Variants in ZSWIM5 observed in about 807,000 individuals in gnomAD.
The protein encoded by ZSWIM5 is zinc finger SWIM-type containing 5.
A neutral mutation model predicts 119.6 loss-of-function variants in ZSWIM5; 55 were observed. The ratio of observed to expected loss-of-function variants is 0.46; its 90% CI spans 0.37 to 0.58. The LOEUF (loss-of-function observed/expected upper bound fraction) is 0.58, where lower values mean the gene tolerates loss of function less well. Ranked by LOEUF, ZSWIM5 falls within the 20% of genes least tolerant of loss-of-function variation. The pLI is 0.00. For missense variants in ZSWIM5, 1,193 were observed against 1,512.8 expected, an observed-to-expected ratio of 0.79 and a Z score of 3.51; for synonymous variants, 537 against 606.9, an observed-to-expected ratio of 0.88 and a Z score of 1.69.
chr1:45,141,312 G>A (rs1286779075), intron 1 of ZSWIM5, among the ~76,000 whole-genome samples: 3 of 152,122 alleles, frequency 2.0e-5, no homozygotes, highest in African/African-American at 7.2e-5. Flanking sequence ...CATCAGAAAG[G>A]GGTAACTGTT....
chr1:45,205,604 G>T, intron 1 of ZSWIM5, 152 bp downstream of exon 1: 2 of 704,708 alleles, frequency 2.8e-6, no homozygotes, highest in Non-Finnish European at 4.1e-6. Context: ...CTGAGTGAAA[G>T]GTTGAAAAAA....
intron 5 of ZSWIM5, among the ~76,000 whole-genome samples, chr1:45,046,848 A>AC (rs1314142273): frequency 1.3e-5 from 2 of 151,622 alleles, no homozygotes; most frequent in Non-Finnish European, 2.9e-5. Flanking sequence ...ACATAGTGAA[A>AC]CCCCATCTCT....
chr1:45,079,374 T>C (rs1449848402), intron 2 of ZSWIM5, among the ~76,000 whole-genome samples: 2 of 152,190 alleles, frequency 1.3e-5, no homozygotes, highest in African/African-American at 4.8e-5. Context: ...TTCCTGCCCC[T>C]TTCCAAAGGC....
intron 1 of ZSWIM5, among the ~76,000 whole-genome samples, chr1:45,156,872 G>A (rs966110244): frequency 6.6e-6 from 1 of 151,026 alleles, no homozygotes; most frequent in Non-Finnish European, 1.5e-5. Flanking sequence ...AAATCTTTAA[G>A]AATCTACACA....
At position 45,146,431 on chromosome 1, in the gene ZSWIM5, CTTTTTTTTTTTTT is replaced by C. The variant is rs35073818; in HGVS notation, c.596-58207_596-58195del. On this transcript the variant is annotated intron_variant, in intron 1 of 13. Coordinates refer to ENST00000359600, the MANE Select transcript of ZSWIM5 (RefSeq NM_020883.2). Reference sequence around the variant, plus strand: ...TAAAATACAAGTATCTGTTTCTAGACTTTTTTTTTTTTTTTTTTTTTTTTTTTTGAGACAGAGT... The same window carrying C: ...TAAAATACAAGTATCTGTTTCTAGACTTTTTTTTTTTTTTTGAGACAGAGT... Among the ~76,000 whole-genome samples the C allele has an allele frequency of 6.9e-3, 315 of 45,908 alleles. 1 individual carries two copies. Among genetic ancestry groups the C allele is most frequent in the Non-Finnish European group, 0.01 (257 of 25,406 alleles). The allele number at this position is 45,908 out of a possible 152,430, so 30.1% of individuals were successfully genotyped here.
At chr1:45,108,911 A>G (rs1164009840) in intron 1 of ZSWIM5, among the ~76,000 whole-genome samples, 1 of 152,208 alleles carries the variant, frequency 6.6e-6, no homozygotes, top group Non-Finnish European at 1.5e-5. Flanking sequence ...AAACTCCATG[A>G]TATTTTATTT....
intron 1 of ZSWIM5, among the ~76,000 whole-genome samples, chr1:45,115,556 C>T (rs1172934044): frequency 7.3e-6 from 1 of 137,254 alleles, no homozygotes; most frequent in Non-Finnish European, 1.6e-5. Flanking sequence ...GGGGCAGAGG[C>T]GCTCCCCACA....
intron 1 of ZSWIM5, among the ~76,000 whole-genome samples, chr1:45,166,252 C>T (rs1570171572): frequency 2.0e-5 from 3 of 151,970 alleles, no homozygotes; most frequent in Admixed American, 6.6e-5. Context: ...AAAAGGCCTT[C>T]AACAAACTTC....
At chr1:45,115,351 GC>G (rs1314182679) in intron 1 of ZSWIM5, among the ~76,000 whole-genome samples, 2 of 152,054 alleles carry the variant, frequency 1.3e-5, no homozygotes, top group African/African-American at 2.4e-5. Flanking sequence ...CGGGGTGGCT[GC>G]CGGGCGGAGG....
chr1:45,152,513 C>CT (rs1219614900), intron 1 of ZSWIM5, among the ~76,000 whole-genome samples: 3 of 151,670 alleles, frequency 2.0e-5, no homozygotes, highest in Non-Finnish European at 4.4e-5. Flanking sequence ...AAAGGACTCC[C>CT]TATTCAATAA....
At chr1:45,178,194 G>C (rs903899705) in intron 1 of ZSWIM5, among the ~76,000 whole-genome samples, 1 of 152,042 alleles carries the variant, frequency 6.6e-6, no homozygotes, top group Non-Finnish European at 1.5e-5. Flanking sequence ...CGGAGGCTGA[G>C]GCAAGCGGAT....
intron 1 of ZSWIM5, among the ~76,000 whole-genome samples, chr1:45,197,592 A>G (rs1485965068): frequency 2.0e-5 from 3 of 152,194 alleles, no homozygotes; most frequent in Non-Finnish European, 4.4e-5. Context: ...GCTATTATGA[A>G]TAAAACTACT....
At position 45,071,472 on chromosome 1, in the gene ZSWIM5, T is replaced by TTTTTTTTG. The variant is rs1372895820; in HGVS notation, c.953-11226_953-11225insCAAAAAAA. ...AGAATCTCTTTTTTTTTTTTTTTTT[T>TTTTTTTTG]TGAGATAGGGTCTCACTCTGTCACC... On this transcript the variant is annotated intron_variant, in intron 2 of 13. Coordinates refer to ENST00000359600, the MANE Select transcript of ZSWIM5 (RefSeq NM_020883.2). 1.3e-5 allele frequency among the ~76,000 whole-genome samples: 2 copies of TTTTTTTTG among 148,832 alleles called. 1 individual carries two copies. Among genetic ancestry groups the TTTTTTTTG allele is most frequent in the African/African-American group, 5.0e-5 (2 of 40,116 alleles).
chr1:45,096,474 A>ATGTGTGTGCG (rs1570093150), intron 1 of ZSWIM5, among the ~76,000 whole-genome samples: 1 of 134,568 alleles, frequency 7.4e-6, no homozygotes, highest in Non-Finnish European at 1.6e-5. Flanking sequence ...GTGTGTGTGC[A>ATGTGTGTGCG]TGTGTGTATG....
rs869042927 is a variant in ZSWIM5, at chr1:45,129,153, G to GTTT, written c.596-40919_596-40917dup. ...TTATACTTTTCCTCACATACATCTT[G>GTTT]TTTTTTTTTTTTTTTTTTTTTTTTT... On this transcript the variant is annotated intron_variant, in intron 1 of 13. Coordinates refer to ENST00000359600, the MANE Select transcript of ZSWIM5 (RefSeq NM_020883.2). 9.7e-3 allele frequency among the ~76,000 whole-genome samples: 681 copies of GTTT among 70,184 alleles called. 53 individuals are homozygous for GTTT. The highest frequency in any genetic ancestry group is 0.012 in the Non-Finnish European group (473 of 37,996). 46.0% of individuals were successfully genotyped at this position (70,184 alleles called of 152,430 possible). A position where few individuals can be genotyped will look rare whatever the true frequency, so the allele number is the denominator to read the frequency against.
In ZSWIM5 at chr1:45,149,107, AT is replaced by A. The variant is rs971979814; in HGVS notation, c.595+56648del. 4.0e-3 allele frequency among the ~76,000 whole-genome samples: 593 copies of A among 146,748 alleles called. 1 individual carries two copies. The highest frequency in any genetic ancestry group is 0.011 in the African/African-American group (457 of 40,364). On this transcript the variant is annotated intron_variant, in intron 1 of 13. Transcript: ENST00000359600. ...AATATAGTAAGACTCCACCTCTACA[AT>A]TTTTTTTTTTTTAATTAGCAGGGCA... is the stretch of plus-strand genomic sequence containing the variant.
At chr1:45,196,608 T>C (rs1181107200) in intron 1 of ZSWIM5, among the ~76,000 whole-genome samples, 1 of 151,280 alleles carries the variant, frequency 6.6e-6, no homozygotes, top group Non-Finnish European at 1.5e-5. Flanking sequence ...GCTAGGATGG[T>C]CTCGAGCTCC....
At chr1:45,162,024 C>T (rs1570166220) in intron 1 of ZSWIM5, among the ~76,000 whole-genome samples, 1 of 152,184 alleles carries the variant, frequency 6.6e-6, no homozygotes, top group Non-Finnish European at 1.5e-5. Context: ...CAACAGCCAT[C>T]CTATGTTCAT....
chr1:45,040,682 T>C lies in ZSWIM5; in HGVS notation c.1610-144A>G. ...TATACCAGGAACTGTGTCTTTATCT[T>C]TAAGGATATAAAAAGTTGAATAAAT... On this transcript the variant is annotated intron_variant, in intron 6 of 13. Transcript: ENST00000359600. 3 of 659,166 alleles carry C rather than the reference T, an allele frequency of 4.6e-6. No homozygotes were observed. The South Asian group carries it at 1.0e-4, about 22-fold the overall frequency. The allele number at this position is 659,166 out of a possible 1,614,324, so 40.8% of individuals were successfully genotyped here.
Sources: gnomAD v4.1 joint callset for allele counts (sites outside exome capture counted in the v4.1 genomes callset) on GRCh38, gnomAD v4.1.1 for gene constraint, MANE v1.5 for transcripts, NCBI Gene and HGNC (gene_info 2026-07-23, HGNC 2026-07-21) for gene names.